The following NAALADL2 variants were observed in gnomAD, a reference collection of about 807,000 sequenced individuals.
NAALADL2 encodes N-acetylated alpha-linked acidic dipeptidase like 2.
In NAALADL2, 76 loss-of-function variants were observed where a neutral mutation model predicts 87.2. The ratio of observed to expected loss-of-function variants is 0.87; its 90% CI spans 0.72 to 1.05. NAALADL2 has a LOEUF of 1.05. NAALADL2 is among the 50% of genes least tolerant of loss of function. The pLI is 0.00. For missense variants in NAALADL2, 1,089 were observed against 945.8 expected, an observed-to-expected ratio of 1.15 and a Z score of -1.99; for synonymous variants, 354 against 331.0, an observed-to-expected ratio of 1.07 and a Z score of -0.75.
chr3:175,591,784 G>GTGTGTGTGTATATA (rs1443245536), intron 10 of NAALADL2, among the ~76,000 whole-genome samples: 1 of 137,056 alleles, frequency 7.3e-6, no homozygotes, highest in African/African-American at 2.8e-5. Context: ...GTGTGTGTGT[G>GTGTGTGTGTATATA]TATATATATA....
chr3:175,304,817 A>C (rs988766648), intron 4 of NAALADL2, among the ~76,000 whole-genome samples: 1 of 152,244 alleles, frequency 6.6e-6, no homozygotes, highest in African/African-American at 2.4e-5. Flanking sequence ...CAGACTCATA[A>C]ATTTTGAAAT....
intron 3 of NAALADL2, among the ~76,000 whole-genome samples, chr3:174,829,600 G>C (rs775245588): frequency 0.037 from 4,841 of 131,112 alleles, 51 homozygotes; most frequent in Middle Eastern, 0.08. Context: ...CTTTATAGCA[G>C]CATGATTTAT....
At chr3:174,964,853 G>GTGTATATATATGTATATATGTAA (rs1236206315) in intron 1 of NAALADL2, among the ~76,000 whole-genome samples, 1 of 150,794 alleles carries the variant, frequency 6.6e-6, no homozygotes, top group African/African-American at 2.4e-5. Context: ...GTGTTTGTGT[G>GTGTATATATATGTATATATGTAA]TGTATATATA....
intron 3 of NAALADL2, among the ~76,000 whole-genome samples, chr3:174,807,967 C>T (rs1719706408): frequency 6.6e-6 from 1 of 151,698 alleles, no homozygotes; most frequent in African/African-American, 2.4e-5. Flanking sequence ...TGTGGTATCC[C>T]TTCATGTGTA....
intron 11 of NAALADL2, among the ~76,000 whole-genome samples, chr3:175,657,065 G>T (rs1731572900): frequency 1.3e-5 from 2 of 152,148 alleles, no homozygotes; most frequent in African/African-American, 2.4e-5. Flanking sequence ...ATATGGTTAA[G>T]TAATTTTGTT....
rs769252903 is a variant in NAALADL2, at chr3:175,145,194, G to A, written c.545+47903G>A. Among the ~76,000 whole-genome samples, 4 of 152,050 alleles carry A rather than the reference G, an allele frequency of 2.6e-5. No individual in the cohort carries two copies. The South Asian group carries it at 6.2e-4, about 24-fold the overall frequency. On this transcript the variant is annotated intron_variant, in intron 2 of 13. Coordinates refer to ENST00000454872, the MANE Select transcript of NAALADL2 (RefSeq NM_207015.3). ...TGACAAAATTTCCCTAGTGAATACC[G>A]TGTTTTGATGACTCACATGGATCAA...
intron 11 of NAALADL2, chr3:175,718,194 G>GTTTTTTTTT: frequency 9.7e-7 from 1 of 1,034,870 alleles, no homozygotes; most frequent in Non-Finnish European, 1.3e-6. Flanking sequence ...AAGGGCCTGT[G>GTTTTTTTTT]GTTTTTTTTT....
chr3:174,787,590 T>TATATATATATATATAC, intron 3 of NAALADL2, among the ~76,000 whole-genome samples: 1 of 64,488 alleles, frequency 1.6e-5, no homozygotes, highest in Admixed American at 1.5e-4. Context: ...TATATATATA[T>TATATATATATATATAC]ATATATATAT....
chr3:175,407,452 T>C (rs986166202), intron 5 of NAALADL2, among the ~76,000 whole-genome samples: 1 of 152,196 alleles, frequency 6.6e-6, no homozygotes, highest in African/African-American at 2.4e-5. Context: ...AAGCACTCTA[T>C]ATGTTTTATA....
chr3:174,441,059 G>C (rs946261679), intron 1 of NAALADL2: 4 of 152,118 alleles, frequency 2.6e-5, no homozygotes, highest in African/African-American at 9.7e-5. Context: ...TCTTTTCAAA[G>C]TTTTGCCAAA....
At chr3:175,796,046 G>A (rs201203102) in intron 13 of NAALADL2, among the ~76,000 whole-genome samples, 1 of 138,842 alleles carries the variant, frequency 7.2e-6, no homozygotes, top group Non-Finnish European at 1.5e-5. Flanking sequence ...GTTCTTATTG[G>A]TAACATGGTG....
chr3:175,726,671 T>C (rs1226106191), intron 11 of NAALADL2, among the ~76,000 whole-genome samples: 1 of 152,088 alleles, frequency 6.6e-6, no homozygotes, highest in Admixed American at 6.6e-5. Flanking sequence ...TGTCTCTCCT[T>C]CCCATCCTAC....
Position 175,440,415 on chromosome 3 carries a change from G to A in NAALADL2, c.1091-6814G>A, listed in dbSNP as rs573766068. 6.6e-5 allele frequency among the ~76,000 whole-genome samples: 10 copies of A among 152,014 alleles called. 1 individual carries two copies. In the South Asian group the frequency reaches 2.1e-3, roughly 32 times the overall value. On this transcript the variant is annotated intron_variant, in intron 5 of 13. Coordinates refer to ENST00000454872, the MANE Select transcript of NAALADL2 (RefSeq NM_207015.3). ...TTTTAGAATTTTTTTTTCTAGTTCT[G>A]TTAAGAATGATGGTGGTATTTTGAT... is the stretch of plus-strand genomic sequence containing the variant.
intron 3 of NAALADL2, among the ~76,000 whole-genome samples, chr3:174,789,076 A>G (rs527984519): frequency 8.9e-4 from 135 of 152,328 alleles, no homozygotes; most frequent in African/African-American, 3.0e-3. Context: ...GACCTATTAC[A>G]TCTTCTTTTG....
intron 3 of NAALADL2, among the ~76,000 whole-genome samples, chr3:174,753,464 ATCT>A (rs1462485483): frequency 6.6e-6 from 1 of 152,206 alleles, no homozygotes; most frequent in Non-Finnish European, 1.5e-5. Flanking sequence ...ACTCTTTATA[ATCT>A]TTAACTTCGT....
Position 175,393,280 on chromosome 3 carries a change from C to CAA in NAALADL2, c.1091-53914_1091-53913dup, listed in dbSNP as rs775778803. Among the ~76,000 whole-genome samples, 280 of 29,528 alleles carry CAA rather than the reference C, an allele frequency of 9.5e-3. 63 individuals carry two copies. Among genetic ancestry groups the CAA allele is most frequent in the Non-Finnish European group, 0.012 (204 of 17,554 alleles). 19.4% of individuals were successfully genotyped at this position (29,528 alleles called of 152,430 possible). A position where few individuals can be genotyped will look rare whatever the true frequency, so the allele number is the denominator to read the frequency against. On this transcript the variant is annotated intron_variant, in intron 5 of 13. Coordinates refer to ENST00000454872, the MANE Select transcript of NAALADL2 (RefSeq NM_207015.3). ...TGGGCGACAGAGCGAGACTCCGTCT[C>CAA]AAAAAAAAAAAAAAAAAAAAAAAAA...
rs141597380 is a variant in NAALADL2, at chr3:175,464,547, A to G, written c.1327+1054A>G. Among the ~76,000 whole-genome samples, 109 of 152,312 alleles carry G rather than the reference A, an allele frequency of 7.2e-4. 4 individuals are homozygous for G. Among genetic ancestry groups the G allele is most frequent in the African/African-American group, 1.8e-3 (73 of 41,574 alleles). On this transcript the variant is annotated intron_variant, in intron 7 of 13. Coordinates refer to ENST00000454872, the MANE Select transcript of NAALADL2 (RefSeq NM_207015.3). ...TTACTGTCTAATGTGCCTGTTATAC[A>G]GTGTAGCATGTAACACTCTTTTTAT... is the stretch of plus-strand genomic sequence containing the variant.
chr3:174,922,935 G>A (rs1455338713), intron 1 of NAALADL2, among the ~76,000 whole-genome samples: 1 of 152,124 alleles, frequency 6.6e-6, no homozygotes, highest in African/African-American at 2.4e-5. Flanking sequence ...AGTCTTCAAC[G>A]ATTCTCCATT....
chr3:175,256,644 A>G lies in NAALADL2; in HGVS notation c.939+114A>G. 5.5e-6 allele frequency: 5 copies of G among 910,392 alleles called. No homozygotes were observed. The South Asian group carries it at 1.1e-4, about 19-fold the overall frequency. 56.4% of individuals were successfully genotyped at this position (910,392 alleles called of 1,614,324 possible). A position where few individuals can be genotyped will look rare whatever the true frequency, so the allele number is the denominator to read the frequency against. ...GTGTGCATATAGGTGTGTGAGAGAG[A>G]GAAGGGGAGAGGAAGAAAGAGAGGC... On this transcript the variant is annotated intron_variant, in intron 4 of 13. Transcript: ENST00000454872.
Sources: allele counts gnomAD v4.1 joint callset (sites outside exome capture counted in the v4.1 genomes callset), GRCh38; gene constraint gnomAD v4.1.1; transcripts MANE v1.5; gene names NCBI Gene and HGNC (gene_info 2026-07-23, HGNC 2026-07-21).